Variants in PRKN observed in about 807,000 individuals in gnomAD.
The protein encoded by PRKN is E3 ubiquitin-protein ligase parkin.
Under a neutral mutation model 59.5 loss-of-function variants are expected in PRKN, and 56 were observed. The ratio of observed to expected loss-of-function variants is 0.94; its 90% confidence interval spans 0.76 to 1.18. The LOEUF is 1.18. PRKN is among the 50% of genes most tolerant of loss of function. The pLI is 0.00. For synonymous variants in PRKN, 250 were observed against 222.1 expected (o/e 1.13, Z -1.12); for missense variants, 657 against 596.4 (o/e 1.10, Z -1.06).
At chr6:162,650,295 C>T (rs901570161) in intron 1 of PRKN, among the ~76,000 whole-genome samples, 2 of 152,078 alleles carry the variant, frequency 1.3e-5, no homozygotes, top group African/African-American at 2.4e-5. Context: ...GCTTTTGAAG[C>T]AGGTTTGAAA....
chr6:162,096,992 T>G (rs1160567660), intron 4 of PRKN, among the ~76,000 whole-genome samples: 2 of 149,332 alleles, frequency 1.3e-5, no homozygotes, highest in Admixed American at 6.8e-5. Context: ...TCAGCCTCCC[T>G]CAGCCTCCTG....
intron 1 of PRKN, among the ~76,000 whole-genome samples, chr6:162,695,494 C>A (rs1471134557): frequency 6.6e-6 from 1 of 152,100 alleles, no homozygotes; most frequent in East Asian, 1.9e-4. Context: ...ATGAGACCTG[C>A]AAAAACATTA....
intron 6 of PRKN, among the ~76,000 whole-genome samples, chr6:161,920,005 G>A (rs914428801): frequency 6.6e-6 from 1 of 152,312 alleles, no homozygotes; most frequent in African/African-American, 2.4e-5. Flanking sequence ...GGTATCACCT[G>A]CTACAAACCT....
intron 4 of PRKN, among the ~76,000 whole-genome samples, chr6:162,100,835 T>C (rs970589876): frequency 2.6e-5 from 4 of 152,216 alleles, no homozygotes; most frequent in Admixed American, 1.3e-4. Context: ...TAATTTATGA[T>C]GTGGAGTATT....
At position 161,552,138 on chromosome 6, in the gene PRKN, A is replaced by G. The variant is rs996767007; in HGVS notation, c.934-3135T>C. 6.6e-6 allele frequency among the ~76,000 whole-genome samples: 1 copy of G among 152,350 alleles called. No individual in the cohort carries two copies. The highest frequency in any genetic ancestry group is 2.1e-4 in the South Asian group (1 of 4,828). ...AATTTAAAGGAAAACTCGTGAGCAG[A>G]GTCTTCTGTTTCTCTGCACCAACAC... On this transcript the variant is annotated intron_variant, in intron 8 of 11. Coordinates refer to ENST00000366898, the MANE Select transcript of PRKN (RefSeq NM_004562.3). The surrounding 1 kb of genome is among the most constrained non-coding windows in gnomAD (Gnocchi z 4.9).
At chr6:162,392,644 T>C (rs1787261634) in intron 2 of PRKN, among the ~76,000 whole-genome samples, 1 of 152,178 alleles carries the variant, frequency 6.6e-6, no homozygotes, top group Admixed American at 6.5e-5. Flanking sequence ...AGGCCAACAT[T>C]TGCAGTCATT....
At chr6:161,426,326 G>A (rs1788354552) in intron 9 of PRKN, among the ~76,000 whole-genome samples, 1 of 152,142 alleles carries the variant, frequency 6.6e-6, no homozygotes, top group Admixed American at 6.6e-5. Flanking sequence ...GTCTGTGAGG[G>A]TGTTGTCAAA....
chr6:162,167,747 A>G (rs978749706), intron 4 of PRKN, among the ~76,000 whole-genome samples: 6 of 144,954 alleles, frequency 4.1e-5, no homozygotes, highest in Admixed American at 6.6e-5. Context: ...AAATTTGGGG[A>G]AAAAAAGTCA....
chr6:162,679,910 C>A (rs1302263063), intron 1 of PRKN, among the ~76,000 whole-genome samples: 1 of 152,150 alleles, frequency 6.6e-6, no homozygotes, highest in East Asian at 1.9e-4. Flanking sequence ...GCCTTAGGGT[C>A]AGCAGTCTGA....
intron 6 of PRKN, among the ~76,000 whole-genome samples, chr6:161,866,115 G>A (rs1446302730): frequency 3.9e-5 from 6 of 152,012 alleles, no homozygotes; most frequent in African/African-American, 1.2e-4. Context: ...GGTGATGGGC[G>A]GTCACTGGAG....
intron 6 of PRKN, among the ~76,000 whole-genome samples, chr6:161,815,066 AG>A (rs1791717395): frequency 6.6e-6 from 1 of 152,216 alleles, no homozygotes; most frequent in African/African-American, 2.4e-5. Flanking sequence ...ACCACATACC[AG>A]GGAACTAAGT....
chr6:162,236,744 G>T (rs58925858), intron 3 of PRKN, among the ~76,000 whole-genome samples: 1 of 151,804 alleles, frequency 6.6e-6, no homozygotes, highest in Non-Finnish European at 1.5e-5. Context: ...GCAGTGAGCC[G>T]AGATTGCACC....
intron 1 of PRKN, among the ~76,000 whole-genome samples, chr6:162,479,996 T>TGGA (rs1792219494): frequency 6.6e-6 from 1 of 150,570 alleles, no homozygotes; most frequent in Non-Finnish European, 1.5e-5. Context: ...ACCCGGGAGG[T>TGGA]GGAGGTTGCA....
In PRKN at chr6:161,530,033, A is replaced by T. The variant is rs186612304; in HGVS notation, c.1083+18821T>A. Among the ~76,000 whole-genome samples the T allele has an allele frequency of 8.5e-3, 963 of 112,892 alleles. 8 individuals carry two copies. Among genetic ancestry groups the T allele is most frequent in the African/African-American group, 0.026 (704 of 27,594 alleles). The allele number at this position is 112,892 out of a possible 152,430, so 74.1% of individuals were successfully genotyped here. A position where few individuals can be genotyped will look rare whatever the true frequency, so the allele number is the denominator to read the frequency against. ...AAAGCATTTTACTTAAGAAGCATTT[A>T]AAAAAAAAACCCTCATTCATTTCAC... On this transcript the variant is annotated intron_variant, in intron 9 of 11. Transcript: ENST00000366898. This position sits in a 1 kb window ranked among gnomAD's most constrained non-coding sequence, Gnocchi z 5.0.
chr6:162,579,464 T>G (rs890262886), intron 1 of PRKN, among the ~76,000 whole-genome samples: 2 of 151,552 alleles, frequency 1.3e-5, no homozygotes, highest in Non-Finnish European at 2.9e-5. Context: ...ACACCCACTT[T>G]CACACACATA....
At chr6:161,820,083 A>C (rs1011140405) in intron 6 of PRKN, among the ~76,000 whole-genome samples, 1 of 152,166 alleles carries the variant, frequency 6.6e-6, no homozygotes, top group African/African-American at 2.4e-5. Flanking sequence ...TACCTATCCC[A>C]GTAAATGCTT....
At chr6:162,525,790 G>A (rs530801575) in intron 1 of PRKN, among the ~76,000 whole-genome samples, 1 of 152,190 alleles carries the variant, frequency 6.6e-6, no homozygotes, top group African/African-American at 2.4e-5. Context: ...AAATGAATGA[G>A]ATGTCATCGG....
intron 1 of PRKN, among the ~76,000 whole-genome samples, chr6:162,701,738 C>G (rs1219887410): frequency 6.6e-6 from 1 of 151,450 alleles, no homozygotes; most frequent in Non-Finnish European, 1.5e-5. Flanking sequence ...TTCAACATGT[C>G]AATTATGTCA....
chr6:161,485,835 T>C (rs1168376121), intron 9 of PRKN, among the ~76,000 whole-genome samples: 1 of 151,902 alleles, frequency 6.6e-6, no homozygotes. Flanking sequence ...TGAAATTTCA[T>C]GGAATTATTT....
Sources: allele counts gnomAD v4.1 joint callset (sites outside exome capture counted in the v4.1 genomes callset), GRCh38; gene constraint gnomAD v4.1.1; non-coding constraint Gnocchi (gnomAD v3.1); transcripts MANE v1.5; gene names NCBI Gene and HGNC (gene_info 2026-07-23, HGNC 2026-07-21).